The following DOCK1 variants were observed in gnomAD, a reference collection of about 807,000 sequenced individuals.
DOCK1 encodes dedicator of cytokinesis protein 1.
A neutral mutation model predicts 262.7 loss-of-function variants in DOCK1; 138 were observed. The ratio of observed to expected loss-of-function variants is 0.53; its 90% CI spans 0.46 to 0.61. DOCK1 has a LOEUF of 0.61. Among genes scored for constraint, DOCK1 ranks in the 20% least tolerant of loss-of-function variants. The pLI, the probability that DOCK1 is intolerant of heterozygous loss-of-function variation, is 0.00. For missense variants in DOCK1, 1,908 were observed against 2,370.7 expected (o/e 0.80, Z 4.05); for synonymous variants, 866 against 867.4 (o/e 1.00, Z 0.03).
intron 35 of DOCK1, 147 bp downstream of exon 35, chr10:127,374,361 A>G: frequency 4.4e-6 from 5 of 1,145,590 alleles, no homozygotes; most frequent in Non-Finnish European, 5.9e-6. Flanking sequence ...CATCTGCTGC[A>G]GGGAAGGAAT....
intron 38 of DOCK1, among the ~76,000 whole-genome samples, chr10:127,398,058 G>A (rs1294240731): frequency 6.6e-6 from 1 of 152,208 alleles, no homozygotes; most frequent in Non-Finnish European, 1.5e-5. Context: ...TGACATTGAA[G>A]TGGCTGATCC....
chr10:127,022,592 C>A (rs190334653), intron 13 of DOCK1, among the ~76,000 whole-genome samples: 1 of 152,200 alleles, frequency 6.6e-6, no homozygotes, highest in East Asian at 1.9e-4. Context: ...GATGAGGGTT[C>A]ACCATGTTGG....
chr10:127,285,897 G>A (rs1371967494), intron 29 of DOCK1, among the ~76,000 whole-genome samples: 1 of 152,246 alleles, frequency 6.6e-6, no homozygotes, highest in Non-Finnish European at 1.5e-5. Context: ...AAGCAGGTCA[G>A]TCTTTCAGTG....
At chr10:127,379,806 T>C (rs2065728875) in intron 35 of DOCK1, among the ~76,000 whole-genome samples, 1 of 152,232 alleles carries the variant, frequency 6.6e-6, no homozygotes, top group Non-Finnish European at 1.5e-5. Context: ...AATACCTTGT[T>C]TTAATTGAAG....
At position 127,347,018 on chromosome 10, in the gene DOCK1, C is replaced by T. The variant is rs544712708; in HGVS notation, c.3224+3272C>T. Among the ~76,000 whole-genome samples, 9 of 152,350 alleles carry T rather than the reference C, an allele frequency of 5.9e-5. No homozygotes were observed. The East Asian group carries it at 9.7e-4, about 16-fold the overall frequency. On this transcript the variant is annotated intron_variant, in intron 31 of 51. Transcript: ENST00000623213. ...TGACCTTCAGGCCACGCGGCACACA[C>T]GTGTGGAGGGTCAGCCCTATTTGTT...
At chr10:126,960,745 T>C (rs1305074874) in intron 1 of DOCK1, among the ~76,000 whole-genome samples, 3,992 of 115,426 alleles carry the variant, frequency 0.035, 76 homozygotes, top group Non-Finnish European at 0.047. Flanking sequence ...TATATATATA[T>C]ACACACACAC....
intron 27 of DOCK1, among the ~76,000 whole-genome samples, chr10:127,167,578 A>C (rs1156720210): frequency 2.0e-5 from 3 of 152,082 alleles, no homozygotes; most frequent in African/African-American, 7.2e-5. Context: ...ATCTCTATAG[A>C]ATATGTTCTT....
intron 29 of DOCK1, among the ~76,000 whole-genome samples, chr10:127,280,092 C>T (rs1332496120): frequency 6.3e-5 from 9 of 142,010 alleles, no homozygotes; most frequent in African/African-American, 1.0e-4. Context: ...TGGAGTGCAG[C>T]GGCGCGATCT....
chr10:127,057,603 C>G (rs1296989892), intron 22 of DOCK1, among the ~76,000 whole-genome samples: 1 of 152,228 alleles, frequency 6.6e-6, no homozygotes, highest in African/African-American at 2.4e-5. Flanking sequence ...AGATTCCTGA[C>G]AGCCGGGGGC....
At chr10:127,001,505 ATGT>A (rs1430904557) in intron 10 of DOCK1, 1 of 152,134 alleles carries the variant, frequency 6.6e-6, no homozygotes, top group Non-Finnish European at 1.5e-5. Flanking sequence ...TTCATTCTTG[ATGT>A]TGTGCCTTCT....
intron 13 of DOCK1, 38 bp downstream of exon 13, chr10:127,018,873 T>C (rs2042201559): frequency 2.5e-6 from 4 of 1,608,360 alleles, no homozygotes; most frequent in Non-Finnish European, 3.4e-6. Context: ...CAGCATGGCA[T>C]GGGGGTAGCC....
intron 1 of DOCK1, among the ~76,000 whole-genome samples, chr10:126,930,100 G>A (rs891586385): frequency 3.3e-5 from 5 of 152,174 alleles, no homozygotes; most frequent in Admixed American, 1.3e-4. Context: ...TCCATTTAGC[G>A]TGCTTATCCA....
intron 27 of DOCK1, among the ~76,000 whole-genome samples, chr10:127,143,737 T>C (rs564986709): frequency 6.6e-6 from 1 of 152,278 alleles, no homozygotes; most frequent in African/African-American, 2.4e-5. Flanking sequence ...GCTCTCCCCC[T>C]TGCATGGGAG....
At chr10:126,952,382 A>C (rs1322726322) in intron 1 of DOCK1, among the ~76,000 whole-genome samples, 4 of 148,684 alleles carry the variant, frequency 2.7e-5, no homozygotes, top group Non-Finnish European at 5.9e-5. Context: ...TATTGTTGGT[A>C]GTGTTGGTGA....
chr10:127,164,127 C>G (rs1267116564), intron 27 of DOCK1, among the ~76,000 whole-genome samples: 1 of 146,148 alleles, frequency 6.8e-6, no homozygotes, highest in African/African-American at 2.5e-5. Flanking sequence ...CTCTTTCTCC[C>G]TTGGCCCTTT....
chr10:126,997,851 C>T (rs753080263), intron 7 of DOCK1: 9 of 491,748 alleles, frequency 1.8e-5, no homozygotes, highest in Non-Finnish European at 3.3e-5. Context: ...GGATGGACAC[C>T]TGAAAGTTTT....
intron 27 of DOCK1, among the ~76,000 whole-genome samples, chr10:127,225,894 T>A (rs935029152): frequency 6.6e-6 from 1 of 151,914 alleles, no homozygotes; most frequent in African/African-American, 2.4e-5. Context: ...CTGACTAACA[T>A]GGTGAAAACC....
At chr10:127,254,685 A>G (rs951712643) in intron 28 of DOCK1, among the ~76,000 whole-genome samples, 2 of 152,194 alleles carry the variant, frequency 1.3e-5, no homozygotes, top group South Asian at 2.1e-4. Flanking sequence ...ACAATCCTTC[A>G]TCGGATGGGT....
intron 6 of DOCK1, among the ~76,000 whole-genome samples, chr10:126,992,209 C>G (rs1292076472): frequency 6.6e-6 from 1 of 152,058 alleles, no homozygotes; most frequent in Non-Finnish European, 1.5e-5. Flanking sequence ...AAAAAGCAGA[C>G]TTTTGGAGCT....
Sources: gnomAD v4.1 joint callset for allele counts (sites outside exome capture counted in the v4.1 genomes callset) on GRCh38, gnomAD v4.1.1 for gene constraint, MANE v1.5 for transcripts, NCBI Gene and HGNC (gene_info 2026-07-23, HGNC 2026-07-21) for gene names.